The following TRPM3 variants were observed in gnomAD, a reference collection of about 807,000 sequenced individuals.
TRPM3 encodes transient receptor potential cation channel subfamily M member 3, also known as long transient receptor potential channel 3.
In TRPM3, 77 loss-of-function variants were observed where a neutral mutation model predicts 181.2. The ratio of observed to expected loss-of-function variants is 0.42; its 90% confidence interval spans 0.35 to 0.51. The LOEUF (loss-of-function observed/expected upper bound fraction) is 0.51. Ranked by LOEUF, TRPM3 falls within the 20% of genes least tolerant of loss-of-function variation. The probability of loss-of-function intolerance (pLI) is 0.01; values close to 1 mark genes in which losing one functional copy is unlikely to be tolerated. For missense variants in TRPM3, 1,759 were observed against 2,196.7 expected (o/e 0.80, Z 3.98); for synonymous variants, 745 against 796.4 (o/e 0.94, Z 1.09).
At chr9:71,321,418 C>T (rs1261593515) in intron 1 of TRPM3, among the ~76,000 whole-genome samples, 3 of 152,062 alleles carry the variant, frequency 2.0e-5, no homozygotes, top group Admixed American at 1.3e-4. Flanking sequence ...AGCTTATGTC[C>T]CTCCCTTGCT....
At chr9:71,317,101 T>C (rs2088674257) in intron 1 of TRPM3, among the ~76,000 whole-genome samples, 2 of 152,174 alleles carry the variant, frequency 1.3e-5, no homozygotes, top group Non-Finnish European at 2.9e-5. Flanking sequence ...AAGGATGTAT[T>C]ACAACCAGAA....
intron 1 of TRPM3, among the ~76,000 whole-genome samples, chr9:71,352,884 A>G (rs1324587721): frequency 1.3e-5 from 2 of 152,106 alleles, no homozygotes; most frequent in South Asian, 2.1e-4. Flanking sequence ...CCCGCTTCCA[A>G]CACGATTCGA....
intron 9 of TRPM3, among the ~76,000 whole-genome samples, chr9:70,675,567 C>G (rs1655197718): frequency 1.3e-5 from 2 of 152,090 alleles, no homozygotes; most frequent in East Asian, 3.9e-4. Flanking sequence ...ATATAATTAT[C>G]TCTGAAATAA....
chr9:70,897,031 G>A (rs2132944998), intron 1 of TRPM3, among the ~76,000 whole-genome samples: 1 of 131,680 alleles, frequency 7.6e-6, no homozygotes, highest in East Asian at 2.0e-4. Context: ...ACTGTGCAAT[G>A]ATCAAATGAG....
intron 20 of TRPM3, among the ~76,000 whole-genome samples, chr9:70,602,251 A>C (rs1325547372): frequency 6.6e-6 from 1 of 152,192 alleles, no homozygotes; most frequent in African/African-American, 2.4e-5. Context: ...TTAAGAGATA[A>C]GACATTTTTT....
intron 9 of TRPM3, among the ~76,000 whole-genome samples, chr9:70,663,132 C>T (rs1047008452): frequency 6.6e-6 from 1 of 152,094 alleles, no homozygotes; most frequent in African/African-American, 2.4e-5. Flanking sequence ...AGTGAAGTAA[C>T]TCAGGAATGG....
rs201923191 is a variant in TRPM3 at position 70,846,406 on chromosome 9, C to T, written c.648G>A (p.Ala216=). ...GLIKAAMTTG[A]WIFTGGVNTG... is the part of the protein sequence containing the mutation. ...TGTTAACCCCTCCAGTGAATATCCA[C>T]GCTCCAGTTGTCATTGCTGCTTTGA... Residue 216 remains alanine, a synonymous_variant, in exon 4 of 26, where the codon GCG becomes GCA. Transcript: ENST00000677713. 173 of 1,614,146 alleles carry T rather than the reference C, an allele frequency of 1.1e-4. No individual in the cohort carries two copies. The Admixed American group carries it at 2.0e-3, about 19-fold the overall frequency.
chr9:70,550,346 T>C (rs978212134), intron 24 of TRPM3, among the ~76,000 whole-genome samples: 1 of 152,206 alleles, frequency 6.6e-6, no homozygotes, highest in African/African-American at 2.4e-5. Flanking sequence ...GGCATCTATT[T>C]TGTGACCATG....
chr9:70,549,678 TG>T lies in TRPM3; in HGVS notation c.3575-5del. 6.4e-7 allele frequency: 1 copy of T among 1,566,298 alleles called. No homozygotes were observed. On this transcript the variant is annotated splice_region_variant and splice_polypyrimidine_tract_variant and intron_variant, in intron 24 of 25. Coordinates refer to ENST00000677713, the MANE Select transcript of TRPM3 (RefSeq NM_001366145.2). ...TCATCATCGGTTATGAAGAGTTCTG[TG>T]GAAAAAAAAAAAAAGGAAGTCTTGA...
At chr9:70,564,472 T>C (rs1831074090) in intron 22 of TRPM3, among the ~76,000 whole-genome samples, 1 of 152,178 alleles carries the variant, frequency 6.6e-6, no homozygotes, top group African/African-American at 2.4e-5. Context: ...TACCTCAGCC[T>C]ACAGGCCACA....
intron 19 of TRPM3, among the ~76,000 whole-genome samples, chr9:70,605,054 A>G (rs969582472): frequency 9.6e-5 from 14 of 145,674 alleles, no homozygotes; most frequent in Non-Finnish European, 1.8e-4. Flanking sequence ...TCCTGGGTTC[A>G]AGCGATTCTC....
chr9:70,788,965 G>A (rs2130952956), intron 6 of TRPM3, among the ~76,000 whole-genome samples: 1 of 152,280 alleles, frequency 6.6e-6, no homozygotes, highest in Non-Finnish European at 1.5e-5. Flanking sequence ...CCTATGGCCT[G>A]GCTCCTAATA....
chr9:70,957,116 G>A lies in TRPM3; in HGVS notation c.178-92605C>T, dbSNP rs549106066. On this transcript the variant is annotated intron_variant, in intron 1 of 25. Coordinates refer to ENST00000677713, the MANE Select transcript of TRPM3 (RefSeq NM_001366145.2). The stretch of plus-strand genomic sequence containing the variant: ...GCTGGGACTACAGGCACGCGCCACC[G>A]CACCTGGCTAATTTTTTTTGTATTT... 1.5e-3 allele frequency among the ~76,000 whole-genome samples: 225 copies of A among 151,628 alleles called. 1 individual carries two copies. The highest frequency in any genetic ancestry group is 4.9e-3 in the African/African-American group (201 of 41,354).
intron 1 of TRPM3, among the ~76,000 whole-genome samples, chr9:70,958,429 C>T (rs1269613110): frequency 6.6e-6 from 1 of 152,174 alleles, no homozygotes; most frequent in East Asian, 1.9e-4. Context: ...TCTCCACATC[C>T]TCTCCAGCAC....
intron 1 of TRPM3, among the ~76,000 whole-genome samples, chr9:70,923,826 C>A (rs145444332): frequency 0.13 from 18,443 of 141,798 alleles, 1,241 homozygotes; most frequent in East Asian, 0.24. Flanking sequence ...CTCTCTCTCT[C>A]TCTATATATA....
Position 70,625,601 on chromosome 9 carries a change from A to C in TRPM3, c.1633-84T>G, listed in dbSNP as rs1380680113. 1.4e-6 allele frequency: 2 copies of C among 1,422,624 alleles called. No homozygotes were observed. Among genetic ancestry groups the C allele is most frequent in the Non-Finnish European group, 2.0e-6 (2 of 1,024,808 alleles). The allele number at this position is 1,422,624 out of a possible 1,614,324, so 88.1% of individuals were successfully genotyped here. A position where few individuals can be genotyped will look rare whatever the true frequency, so the allele number is the denominator to read the frequency against. Reference sequence around the variant, plus strand: ...AATCAAAATATTTATTCAAGTCTTCAGCTGGGGAGAAAAAAACACCAGTGT... The same window carrying C: ...AATCAAAATATTTATTCAAGTCTTCCGCTGGGGAGAAAAAAACACCAGTGT... On this transcript the variant is annotated intron_variant, in intron 12 of 25. Transcript: ENST00000677713. The surrounding 1 kb of genome is among the most constrained non-coding windows in gnomAD (Gnocchi z 4.8).
intron 1 of TRPM3, among the ~76,000 whole-genome samples, chr9:71,256,444 A>G (rs1389110783): frequency 1.3e-5 from 2 of 152,196 alleles, no homozygotes; most frequent in African/African-American, 2.4e-5. Flanking sequence ...AGACTGGTAC[A>G]TAAGGAGAAT....
intron 1 of TRPM3, among the ~76,000 whole-genome samples, chr9:71,320,485 T>C (rs1456319415): frequency 6.6e-6 from 1 of 152,144 alleles, no homozygotes; most frequent in Non-Finnish European, 1.5e-5. Context: ...AAAAATATCC[T>C]TTTCTTAATC....
At chr9:71,071,192 C>T (rs541932369) in intron 1 of TRPM3, among the ~76,000 whole-genome samples, 1 of 152,294 alleles carries the variant, frequency 6.6e-6, no homozygotes, top group African/African-American at 2.4e-5. Flanking sequence ...GGGCCATCTC[C>T]TTGCCTTGGT....
Sources: gnomAD v4.1 joint callset for allele counts (sites outside exome capture counted in the v4.1 genomes callset) on GRCh38, gnomAD v4.1.1 for gene constraint, Gnocchi (gnomAD v3.1) non-coding constraint, MANE v1.5 for transcripts, NCBI Gene and HGNC (gene_info 2026-07-23, HGNC 2026-07-21) for gene names.